Variants in IQCM observed in about 807,000 individuals in gnomAD.
IQCM encodes IQ domain-containing protein M.
Under a neutral mutation model 57.6 loss-of-function variants are expected in IQCM, and 45 were observed. The observed-to-expected ratio is 0.78, with a 90% CI of 0.62 to 1.00. The LOEUF is 1.00. IQCM is among the 50% of genes least tolerant of loss of function. The pLI is 0.00. For missense variants in IQCM, 468 were observed against 511.6 expected, an observed-to-expected ratio of 0.91 and a Z score of 0.82; for synonymous variants, 148 against 158.9, an observed-to-expected ratio of 0.93 and a Z score of 0.51.
intron 8 of IQCM, among the ~76,000 whole-genome samples, chr4:149,607,252 T>A (rs1754869211): frequency 6.6e-6 from 1 of 152,136 alleles, no homozygotes; most frequent in Non-Finnish European, 1.5e-5. Context: ...GATAACATTT[T>A]CAAAGTGCTG....
intron 7 of IQCM, among the ~76,000 whole-genome samples, chr4:149,626,910 C>T (rs554277156): frequency 9.2e-5 from 14 of 152,010 alleles, no homozygotes; most frequent in African/African-American, 3.4e-4. Context: ...TAGAAAGATG[C>T]TTAATATCTC....
intron 12 of IQCM, among the ~76,000 whole-genome samples, chr4:149,520,219 ATTT>A (rs538952958): frequency 9.5e-5 from 12 of 126,678 alleles, no homozygotes; most frequent in Non-Finnish European, 1.2e-4. Context: ...GGTGGGCACC[ATTT>A]TTTTTTTTTT....
At chr4:149,546,200 C>A (rs1748401114) in intron 12 of IQCM, among the ~76,000 whole-genome samples, 1 of 152,176 alleles carries the variant, frequency 6.6e-6, no homozygotes, top group South Asian at 2.1e-4. Context: ...GCCACATTTT[C>A]TTAATCCAGT....
chr4:149,415,900 CG>C (rs1346698894), intron 13 of IQCM, among the ~76,000 whole-genome samples: 1 of 151,674 alleles, frequency 6.6e-6, no homozygotes, highest in Non-Finnish European at 1.5e-5. Context: ...TGGGGCCTGT[CG>C]TGGGGTGGAG....
chr4:149,434,427 C>A (rs920521060), intron 12 of IQCM, among the ~76,000 whole-genome samples: 1 of 152,100 alleles, frequency 6.6e-6, no homozygotes, highest in Non-Finnish European at 1.5e-5. Flanking sequence ...TAAAATTCAA[C>A]AAAGCAGTCT....
chr4:149,505,771 C>A (rs776909158), intron 12 of IQCM, among the ~76,000 whole-genome samples: 1 of 152,134 alleles, frequency 6.6e-6, no homozygotes. Flanking sequence ...ATTCTCCATT[C>A]TCTATCTAGA....
At chr4:149,600,836 C>A (rs896321120) in intron 8 of IQCM, among the ~76,000 whole-genome samples, 5 of 152,110 alleles carry the variant, frequency 3.3e-5, no homozygotes, top group African/African-American at 1.2e-4. Context: ...CCAGATTAAT[C>A]CATCTGGGTG....
At chr4:149,437,171 G>A (rs994525182) in intron 12 of IQCM, among the ~76,000 whole-genome samples, 1 of 152,044 alleles carries the variant, frequency 6.6e-6, no homozygotes, top group African/African-American at 2.4e-5. Context: ...CCTGGTATCA[G>A]GAGACTGTCA....
chr4:149,770,049 A>G (rs777913749), intron 2 of IQCM, among the ~76,000 whole-genome samples: 3 of 152,058 alleles, frequency 2.0e-5, no homozygotes, highest in African/African-American at 4.8e-5. Context: ...TAAACTCCAA[A>G]GCTCATTCTT....
chr4:149,450,468 A>G (rs1736991191), intron 12 of IQCM, among the ~76,000 whole-genome samples: 2 of 151,806 alleles, frequency 1.3e-5, no homozygotes, highest in African/African-American at 4.8e-5. Context: ...CCCACCTAAC[A>G]AGGGATTAAT....
chr4:149,385,569 C>T (rs574071979), intron 13 of IQCM, among the ~76,000 whole-genome samples: 2 of 152,018 alleles, frequency 1.3e-5, no homozygotes, highest in Non-Finnish European at 2.9e-5. Flanking sequence ...AATACAGATC[C>T]ATCTATCCAA....
At chr4:149,812,989 C>T (rs1185980588) in intron 2 of IQCM, among the ~76,000 whole-genome samples, 2 of 152,110 alleles carry the variant, frequency 1.3e-5, no homozygotes, top group Admixed American at 6.6e-5. Flanking sequence ...CATCTTTTTG[C>T]AGAAATGTCA....
chr4:149,580,394 TG>T (rs891355764), intron 9 of IQCM, among the ~76,000 whole-genome samples: 1 of 151,858 alleles, frequency 6.6e-6, no homozygotes, highest in African/African-American at 2.4e-5. Flanking sequence ...AACTGGATGT[TG>T]GGTGAGGACT....
intron 8 of IQCM, among the ~76,000 whole-genome samples, chr4:149,598,709 C>T (rs1196025308): frequency 6.6e-6 from 1 of 152,066 alleles, no homozygotes; most frequent in Non-Finnish European, 1.5e-5. Flanking sequence ...TTCATAAGTG[C>T]CAAATTGGCA....
chr4:149,520,830 C>T (rs1052554497), intron 12 of IQCM, among the ~76,000 whole-genome samples: 6 of 152,056 alleles, frequency 3.9e-5, no homozygotes, highest in African/African-American at 1.4e-4. Flanking sequence ...AAAATGCTTT[C>T]TAGCTCTTCC....
chr4:149,759,323 C>T (rs1055326214), intron 2 of IQCM, among the ~76,000 whole-genome samples: 31 of 152,070 alleles, frequency 2.0e-4, no homozygotes, highest in African/African-American at 6.8e-4. Flanking sequence ...CACCACGTAA[C>T]GGTGAATACA....
intron 7 of IQCM, among the ~76,000 whole-genome samples, chr4:149,634,158 C>T (rs552267610): frequency 6.6e-6 from 1 of 152,046 alleles, no homozygotes; most frequent in African/African-American, 2.4e-5. Flanking sequence ...TATAGGTACA[C>T]GCCACCACAC....
chr4:149,749,809 T>C (rs1450096474), intron 2 of IQCM, among the ~76,000 whole-genome samples: 1 of 152,168 alleles, frequency 6.6e-6, no homozygotes, highest in African/African-American at 2.4e-5. Flanking sequence ...TTTCTCTTCT[T>C]ACACTCACTC....
chr4:149,445,479 A>C (rs965622937), intron 12 of IQCM, among the ~76,000 whole-genome samples: 77 of 151,952 alleles, frequency 5.1e-4, no homozygotes, highest in African/African-American at 1.6e-3. Context: ...ATAATAAACC[A>C]TCCACCTGAT....
Sources: allele counts gnomAD v4.1 joint callset (sites outside exome capture counted in the v4.1 genomes callset), GRCh38; gene constraint gnomAD v4.1.1; transcripts MANE v1.5; gene names NCBI Gene and HGNC (gene_info 2026-07-23, HGNC 2026-07-21).